UST: variants seen among roughly 807,000 people sequenced by gnomAD.
The protein encoded by UST is chondroitin sulfate 2-O-sulfotransferase.
UST carries 21 observed loss-of-function variants against 45.6 expected under a neutral mutation model. The observed-to-expected ratio is 0.46, with a 90% CI of 0.33 to 0.66. UST has a LOEUF of 0.66. Among genes scored for constraint, UST ranks in the 30% least tolerant of loss-of-function variants. The pLI is 0.02. For missense variants in UST, 463 were observed against 512.4 expected, an observed-to-expected ratio of 0.90 and a Z score of 0.93; for synonymous variants, 215 against 200.6, an observed-to-expected ratio of 1.07 and a Z score of -0.61.
chr6:149,021,819 A>C (rs954227502), intron 7 of UST, among the ~76,000 whole-genome samples: 1 of 152,204 alleles, frequency 6.6e-6, no homozygotes, highest in Non-Finnish European at 1.5e-5. Context: ...TGTCTTGAGC[A>C]TGTTGTTGGG....
chr6:148,882,486 C>CAAAAAAAA (rs397741900), intron 1 of UST, among the ~76,000 whole-genome samples: 4 of 74,126 alleles, frequency 5.4e-5, no homozygotes, highest in African/African-American at 1.7e-4. Flanking sequence ...AACTCCATCT[C>CAAAAAAAA]AAAAAAAAAA....
intron 4 of UST, among the ~76,000 whole-genome samples, chr6:148,963,494 T>G (rs2114956797): frequency 6.6e-6 from 1 of 152,376 alleles, no homozygotes. Flanking sequence ...AAGACCTTGT[T>G]CTTGGGCCAA....
chr6:148,981,827 G>T (rs1007291641), intron 5 of UST, among the ~76,000 whole-genome samples: 2 of 152,172 alleles, frequency 1.3e-5, no homozygotes, highest in Non-Finnish European at 2.9e-5. Flanking sequence ...GATTAAGCTG[G>T]ACACGTCTTT....
chr6:148,839,555 G>A (rs945147920), intron 1 of UST, among the ~76,000 whole-genome samples: 2 of 152,110 alleles, frequency 1.3e-5, no homozygotes, highest in Non-Finnish European at 2.9e-5. Context: ...GGTGAGTCCC[G>A]AGAGTCTGCC....
intron 1 of UST, among the ~76,000 whole-genome samples, chr6:148,872,299 G>C (rs907864684): frequency 6.6e-6 from 1 of 152,070 alleles, no homozygotes; most frequent in Non-Finnish European, 1.5e-5. Context: ...TGAGATGATG[G>C]TGTCTATATG....
chr6:148,964,358 C>T, intron 4 of UST, 52 bp from the exon 5 acceptor site: 1 of 1,601,054 alleles, frequency 6.2e-7, no homozygotes, highest in Non-Finnish European at 8.5e-7. Flanking sequence ...CTAAGTAGGC[C>T]CTGTTTTCGT....
At chr6:149,061,469 G>A (rs1776654249) in intron 7 of UST, among the ~76,000 whole-genome samples, 1 of 152,234 alleles carries the variant, frequency 6.6e-6, no homozygotes, top group African/African-American at 2.4e-5. Flanking sequence ...TGAGCACATC[G>A]TGCTTGTCAC....
intron 7 of UST, among the ~76,000 whole-genome samples, chr6:149,056,807 C>A (rs79085541): frequency 0.017 from 2,521 of 152,312 alleles, 44 homozygotes; most frequent in African/African-American, 0.048. Context: ...CTTGGAACTT[C>A]ATTTCACACT....
At chr6:148,901,587 T>G (rs1779259583) in intron 2 of UST, among the ~76,000 whole-genome samples, 1 of 151,274 alleles carries the variant, frequency 6.6e-6, no homozygotes, top group African/African-American at 2.4e-5. Context: ...GACAGAGTTT[T>G]GCTCTTGTCA....
At chr6:148,976,502 G>A (rs1018242086) in intron 5 of UST, among the ~76,000 whole-genome samples, 8 of 152,268 alleles carry the variant, frequency 5.3e-5, no homozygotes, top group Middle Eastern at 3.4e-3. Flanking sequence ...TCAGGATTCC[G>A]GGAGCGTGGT....
chr6:148,976,418 G>C (rs1287505200), intron 5 of UST, among the ~76,000 whole-genome samples: 1 of 152,118 alleles, frequency 6.6e-6, no homozygotes, highest in Non-Finnish European at 1.5e-5. Flanking sequence ...TTACTATCTG[G>C]CTCCAGCACA....
Position 148,831,312 on chromosome 6 carries a change from C to T in UST, c.248-55674C>T, listed in dbSNP as rs572890633. 5.9e-5 allele frequency among the ~76,000 whole-genome samples: 9 copies of T among 152,314 alleles called. No homozygotes were observed. In the East Asian group the frequency reaches 7.7e-4, roughly 13 times the overall value. On this transcript the variant is annotated intron_variant, in intron 1 of 7. Coordinates refer to ENST00000367463, the MANE Select transcript of UST (RefSeq NM_005715.3). ...GCAGAGAGAGGAAGTGTCTTTTCCACAGCCACAGGGTGTATTTGTGACTGG... is the reference window on the plus strand; with the variant it reads ...GCAGAGAGAGGAAGTGTCTTTTCCATAGCCACAGGGTGTATTTGTGACTGG...
At chr6:148,768,299 A>G (rs1776355618) in intron 1 of UST, among the ~76,000 whole-genome samples, 1 of 152,068 alleles carries the variant, frequency 6.6e-6, no homozygotes, top group Non-Finnish European at 1.5e-5. Context: ...GCAGTTTTAA[A>G]TTTCTTTTGC....
chr6:148,862,733 A>G (rs2114802534), intron 1 of UST, among the ~76,000 whole-genome samples: 1 of 152,282 alleles, frequency 6.6e-6, no homozygotes, highest in South Asian at 2.1e-4. Context: ...TCTGTAAAGA[A>G]TTTTATTTCT....
At chr6:148,822,737 A>G (rs1777490670) in intron 1 of UST, among the ~76,000 whole-genome samples, 2 of 152,206 alleles carry the variant, frequency 1.3e-5, no homozygotes, top group Admixed American at 6.5e-5. Flanking sequence ...TGTGATCTCA[A>G]ATGTGAAGCA....
At chr6:148,895,685 G>A (rs1354541336) in intron 2 of UST, among the ~76,000 whole-genome samples, 1 of 152,146 alleles carries the variant, frequency 6.6e-6, no homozygotes, top group African/African-American at 2.4e-5. Flanking sequence ...GTTTTATGAG[G>A]GGAAACTGCT....
chr6:148,802,723 A>G (rs1449160677), intron 1 of UST, among the ~76,000 whole-genome samples: 1 of 152,200 alleles, frequency 6.6e-6, no homozygotes, highest in African/African-American at 2.4e-5. Context: ...CTTGGGAAGC[A>G]TGAAGAAATT....
chr6:148,840,907 C>G (rs1481851011), intron 1 of UST, among the ~76,000 whole-genome samples: 1 of 152,098 alleles, frequency 6.6e-6, no homozygotes, highest in East Asian at 1.9e-4. Context: ...AGTGGTCACC[C>G]TGGTGGGTGG....
intron 1 of UST, among the ~76,000 whole-genome samples, chr6:148,879,225 C>T (rs1582873759): frequency 6.6e-6 from 1 of 152,196 alleles, no homozygotes; most frequent in Admixed American, 6.5e-5. Flanking sequence ...CTGACCAGAA[C>T]AGCTTGATCA....
Sources: allele counts gnomAD v4.1 joint callset (sites outside exome capture counted in the v4.1 genomes callset), GRCh38; gene constraint gnomAD v4.1.1; transcripts MANE v1.5; gene names NCBI Gene and HGNC (gene_info 2026-07-23, HGNC 2026-07-21).